PLVAP: variants seen among roughly 807,000 people sequenced by gnomAD.
PLVAP encodes the protein plasmalemma vesicle-associated protein.
In PLVAP, 34 loss-of-function variants were observed where a neutral mutation model predicts 43.1. The observed-to-expected ratio is 0.79, with a 90% CI of 0.60 to 1.05. PLVAP has a LOEUF of 1.05. Ranked by LOEUF, PLVAP falls within the 50% of genes least tolerant of loss-of-function variation. The pLI is 0.00. For missense variants in PLVAP, 574 were observed against 593.4 expected (o/e 0.97, Z 0.34); for synonymous variants, 241 against 237.3 (o/e 1.02, Z -0.14).
chr19:17,354,017 C>T (rs541938398), intron 5 of PLVAP, among the ~76,000 whole-genome samples: 22 of 152,264 alleles, frequency 1.4e-4, no homozygotes, highest in East Asian at 5.8e-4. Flanking sequence ...CGGCCGGGCG[C>T]GGTGGCTCAT....
intron 3 of PLVAP, among the ~76,000 whole-genome samples, chr19:17,363,556 C>T (rs1260252439): frequency 3.2e-5 from 2 of 62,226 alleles, no homozygotes; most frequent in African/African-American, 7.3e-5. Context: ...CCCCTCCCTT[C>T]CACCCTTTCC....
intron 1 of PLVAP, among the ~76,000 whole-genome samples, chr19:17,373,696 G>A (rs16981755): frequency 0.11 from 16,486 of 152,052 alleles, 961 homozygotes; most frequent in African/African-American, 0.13. Flanking sequence ...GAGAACACGG[G>A]GATAATTGTC....
intron 5 of PLVAP, among the ~76,000 whole-genome samples, chr19:17,353,146 G>T (rs2074492985): frequency 6.6e-6 from 1 of 152,160 alleles, no homozygotes; most frequent in East Asian, 1.9e-4. Flanking sequence ...GCTTCCGCTG[G>T]TCCTCTCCCT....
chr19:17,373,951 C>T (rs1039520849), intron 1 of PLVAP, among the ~76,000 whole-genome samples: 1 of 152,184 alleles, frequency 6.6e-6, no homozygotes, highest in South Asian at 2.1e-4. Context: ...CACTTGAAGG[C>T]AGGAGTTTGA....
In PLVAP at chr19:17,358,275, AAAAAAAG is replaced by A. The variant is rs750771539; in HGVS notation, c.1322+2246_1322+2252del. Among the ~76,000 whole-genome samples, 93 of 151,598 alleles carry A rather than the reference AAAAAAAG, an allele frequency of 6.1e-4. 2 individuals are homozygous for A. Among genetic ancestry groups the A allele is most frequent in the African/African-American group, 7.0e-4 (29 of 41,138 alleles). On this transcript the variant is annotated intron_variant, in intron 5 of 5. Coordinates refer to ENST00000252590, the MANE Select transcript of PLVAP (RefSeq NM_031310.3). ...AGAGGGTATGCAAGAAGGAAAAAAA[AAAAAAAG>A]AAGAAGAGGTGGAAATGGAGCTGGA...
intron 1 of PLVAP, among the ~76,000 whole-genome samples, chr19:17,371,361 A>C (rs1210733874): frequency 3.3e-5 from 5 of 151,706 alleles, no homozygotes; most frequent in Admixed American, 3.3e-4. Context: ...GGGTTGCACC[A>C]TGTTAGCCAG....
chr19:17,374,331 G>A (rs560366957), intron 1 of PLVAP, among the ~76,000 whole-genome samples: 46 of 152,150 alleles, frequency 3.0e-4, no homozygotes, highest in African/African-American at 1.1e-3. Context: ...CAGGCATGAC[G>A]GCGGGCGCCT....
intron 3 of PLVAP, among the ~76,000 whole-genome samples, chr19:17,364,668 G>C (rs1423287762): frequency 1.3e-5 from 2 of 150,282 alleles, no homozygotes; most frequent in Non-Finnish European, 2.9e-5. Flanking sequence ...CACCCTCCAT[G>C]CCTCAACTCA....
intron 1 of PLVAP, among the ~76,000 whole-genome samples, chr19:17,376,023 A>C (rs144383374): frequency 6.6e-6 from 1 of 151,908 alleles, no homozygotes; most frequent in Non-Finnish European, 1.5e-5. Flanking sequence ...TCTACTAAAA[A>C]TAAAAAATGA....
intron 5 of PLVAP, among the ~76,000 whole-genome samples, chr19:17,359,645 C>T (rs549783272): frequency 6.6e-6 from 1 of 151,144 alleles, no homozygotes; most frequent in South Asian, 2.1e-4. Flanking sequence ...CCTCATGATC[C>T]GCCCACCTCG....
intron 1 of PLVAP, among the ~76,000 whole-genome samples, chr19:17,372,612 A>T (rs2074577111): frequency 6.7e-6 from 1 of 148,560 alleles, no homozygotes; most frequent in African/African-American, 2.5e-5. Flanking sequence ...GCCCACCACC[A>T]CACCTGGCTA....
chr19:17,352,650 A>C (rs914922732), intron 5 of PLVAP, among the ~76,000 whole-genome samples: 1 of 152,094 alleles, frequency 6.6e-6, no homozygotes, highest in African/African-American at 2.4e-5. Context: ...TGAGATTCAG[A>C]GTGGCCACAC....
intron 5 of PLVAP, among the ~76,000 whole-genome samples, chr19:17,358,353 C>T (rs1230322839): frequency 1.3e-5 from 2 of 151,756 alleles, no homozygotes; most frequent in Admixed American, 1.3e-4. Context: ...CGGAAATCTA[C>T]TTGGCCAGAA....
chr19:17,356,580 T>C (rs2145718179), intron 5 of PLVAP, among the ~76,000 whole-genome samples: 1 of 152,148 alleles, frequency 6.6e-6, no homozygotes, highest in East Asian at 2.0e-4. Context: ...CTCAAGCAAT[T>C]CATCCTCCTC....
At chr19:17,363,238 G>A (rs1864005) in intron 3 of PLVAP, among the ~76,000 whole-genome samples, 18,076 of 151,900 alleles carry the variant, frequency 0.12, 1,485 homozygotes, top group African/African-American at 0.23. Context: ...ATCTGGGCTC[G>A]CTGCAACCTC....
chr19:17,358,481 TC>T (rs2074515287), intron 5 of PLVAP, among the ~76,000 whole-genome samples: 1 of 152,132 alleles, frequency 6.6e-6, no homozygotes, highest in African/African-American at 2.4e-5. Flanking sequence ...TCTGGTGCCT[TC>T]CTGAGCCTCG....
In PLVAP at chr19:17,352,325, G is replaced by T. The variant is rs2074489500; in HGVS notation, c.*37C>A. 1.9e-6 allele frequency: 3 copies of T among 1,612,800 alleles called. No homozygotes were observed. The highest frequency in any genetic ancestry group is 3.3e-5 in the Admixed American group (2 of 59,978). On this transcript the variant is annotated 3_prime_UTR_variant, in exon 6 of 6. Transcript: ENST00000252590. ...CCCTGCATCCTCCGCAAACCGCCGAGTCGGGCCATCCCTTGGTCCTCAGGC... is the reference window on the plus strand; with the variant it reads ...CCCTGCATCCTCCGCAAACCGCCGATTCGGGCCATCCCTTGGTCCTCAGGC...
chr19:17,372,922 A>T (rs1048597200), intron 1 of PLVAP, among the ~76,000 whole-genome samples: 2 of 150,398 alleles, frequency 1.3e-5, no homozygotes, highest in African/African-American at 2.4e-5. Context: ...AAAAATTAGC[A>T]GGGCATGTTG....
At chr19:17,355,908 GTTTGTT>G (rs2074504960) in intron 5 of PLVAP, among the ~76,000 whole-genome samples, 2 of 151,790 alleles carry the variant, frequency 1.3e-5, no homozygotes, top group African/African-American at 4.8e-5. Context: ...TTCTTTTTTT[GTTTGTT>G]TTTGTTTTTG....
Sources: gnomAD v4.1 joint callset for allele counts (sites outside exome capture counted in the v4.1 genomes callset) on GRCh38, gnomAD v4.1.1 for gene constraint, MANE v1.5 for transcripts, NCBI Gene and HGNC (gene_info 2026-07-23, HGNC 2026-07-21) for gene names.